Variants in NF1 observed in about 807,000 individuals in gnomAD.
NF1 encodes neurofibromin.
In NF1, 122 loss-of-function variants were observed where a neutral mutation model predicts 325.7. The observed-to-expected ratio is 0.37, with a 90% CI of 0.32 to 0.44. The LOEUF is 0.44. Ranked by LOEUF, NF1 falls within the 20% of genes least tolerant of loss-of-function variation. NF1 has a pLI of 1.00. For missense variants in NF1, 2,140 were observed against 3,415.4 expected, an observed-to-expected ratio of 0.63 and a Z score of 9.31; for synonymous variants, 1,091 against 1,186.0, an observed-to-expected ratio of 0.92 and a Z score of 1.65.
intron 1 of NF1, among the ~76,000 whole-genome samples, chr17:31,146,983 G>T (rs1295427515): frequency 1.3e-5 from 2 of 152,230 alleles, no homozygotes; most frequent in Admixed American, 6.5e-5. Flanking sequence ...TAGCACCTCA[G>T]TGTCTACCAC....
intron 1 of NF1, among the ~76,000 whole-genome samples, chr17:31,121,193 A>G (rs555161975): frequency 8.5e-5 from 13 of 152,300 alleles, no homozygotes; most frequent in African/African-American, 2.9e-4. Flanking sequence ...CCAGGTGTTC[A>G]AAAAGAAATG....
intron 13 of NF1, among the ~76,000 whole-genome samples, chr17:31,215,839 A>G (rs2066811137): frequency 6.6e-6 from 1 of 152,206 alleles, no homozygotes; most frequent in Non-Finnish European, 1.5e-5. Context: ...ACTGTAATAC[A>G]GGGAGTTTGT....
rs2151583287 is a variant in NF1 at position 31,357,312 on chromosome 17, T to G, written c.7913T>G (p.Ile2638Ser). ...ACCACAGATGAGTTTGATCAACGAA[T>G]TCTTTATGAATACTTAGCAGAGGCC... ...KYTTDEFDQRILYEYLAEASV... is the reference protein window; with the variant it reads ...KYTTDEFDQRSLYEYLAEASV... Residue 2638 changes from isoleucine (I) to serine (S), a missense_variant, in exon 54 of 58, where the codon ATT (isoleucine) becomes AGT (serine). Physicochemically the swap from Ile to Ser is moderately radical, Grantham distance 142. Coordinates refer to ENST00000358273, the MANE Select transcript of NF1 (RefSeq NM_001042492.3). 6.2e-7 allele frequency: 1 copy of G among 1,614,064 alleles called. No individual in the cohort carries two copies. Among genetic ancestry groups the G allele is most frequent in the Middle Eastern group, 1.6e-4 (1 of 6,062 alleles).
At chr17:31,302,735 C>T (rs11653032) in intron 36 of NF1, among the ~76,000 whole-genome samples, 1 of 152,054 alleles carries the variant, frequency 6.6e-6, no homozygotes, top group East Asian at 1.9e-4. Flanking sequence ...GTCCCAGCTA[C>T]TCAGTAGGCT....
intron 29 of NF1, among the ~76,000 whole-genome samples, chr17:31,237,467 A>G (rs1400122495): frequency 6.6e-6 from 1 of 151,822 alleles, no homozygotes; most frequent in African/African-American, 2.4e-5. Context: ...GGTAGAGACG[A>G]GGTTTTGCCT....
intron 29 of NF1, among the ~76,000 whole-genome samples, chr17:31,247,193 C>CAAAAAAAA (rs10564306): frequency 1.1e-5 from 1 of 94,440 alleles, no homozygotes; most frequent in Non-Finnish European, 2.4e-5. Context: ...GACTCCATCT[C>CAAAAAAAA]AAAAAAAAAA....
intron 36 of NF1, among the ~76,000 whole-genome samples, chr17:31,275,086 G>A (rs1597766459): frequency 1.3e-5 from 2 of 152,232 alleles, no homozygotes; most frequent in African/African-American, 2.4e-5. Flanking sequence ...GTACTCAAAT[G>A]TTCCCAAACA....
Position 31,307,925 on chromosome 17 carries a change from C to T in NF1, c.4836-17895C>T, listed in dbSNP as rs115218357. On this transcript the variant is annotated intron_variant, in intron 36 of 57. Coordinates refer to ENST00000358273, the MANE Select transcript of NF1 (RefSeq NM_001042492.3). ...CTAAACAGCATATCATTGCTTACTCCTCTACCACTTGGTACACAGTGATGA... is the reference window on the plus strand; with the variant it reads ...CTAAACAGCATATCATTGCTTACTCTTCTACCACTTGGTACACAGTGATGA... The T allele has an allele frequency of 7.8e-4, 1,002 of 1,289,044 alleles. 7 individuals carry two copies. The African/African-American group carries it at 0.014, about 18-fold the overall frequency. The allele number at this position is 1,289,044 out of a possible 1,614,324, so 79.9% of individuals were successfully genotyped here. A position where few individuals can be genotyped will look rare whatever the true frequency, so the allele number is the denominator to read the frequency against.
intron 40 of NF1, among the ~76,000 whole-genome samples, chr17:31,335,783 AC>A (rs1295696227): frequency 6.8e-6 from 1 of 147,138 alleles, no homozygotes; most frequent in Non-Finnish European, 1.5e-5. Context: ...GGCTCAAGTG[AC>A]CCTTCCACCT....
rs786201457 is a variant in NF1 at position 31,261,798 on chromosome 17, A to C, written c.4665A>C (p.Ala1555=). The C allele has an allele frequency of 1.3e-5, 21 of 1,612,758 alleles. No homozygotes were observed. The highest frequency in any genetic ancestry group is 1.7e-5 in the Non-Finnish European group (20 of 1,179,986). The stretch of plus-strand genomic sequence containing the variant: ...GTCCTCCAGAGCACAAACCTGTGGC[A>C]GATACACACTGGTCCAGCCTTAACC... ...YLGPPEHKPV[A]DTHWSSLNLT... is the part of the protein sequence containing the mutation. The change falls in exon 35 of 58, where the codon GCA becomes GCC. Residue 1555 remains alanine (A), a synonymous_variant. Coordinates refer to ENST00000358273, the MANE Select transcript of NF1 (RefSeq NM_001042492.3).
chr17:31,164,539 A>G (rs941315577), intron 4 of NF1, among the ~76,000 whole-genome samples: 2 of 152,222 alleles, frequency 1.3e-5, no homozygotes, highest in African/African-American at 2.4e-5. Flanking sequence ...GAGAAAAACA[A>G]TCCTCTTTGT....
rs760743888 is a variant in NF1 at position 31,360,687 on chromosome 17, T to C, written c.8361T>C (p.Thr2787=). 6.2e-7 allele frequency: 1 copy of C among 1,611,930 alleles called. No homozygotes were observed. Among genetic ancestry groups the C allele is most frequent in the Non-Finnish European group, 8.5e-7 (1 of 1,178,006 alleles). Residue 2787 remains threonine, a synonymous_variant, in exon 57 of 58, where the codon ACT becomes ACC. Transcript: ENST00000358273. The part of the protein sequence containing the change: ...NLSNSMTSLA[T]SQHSPGIDKE... ...CTAATTCCATGACCTCACTTGCAAC[T>C]TCCCAGCATTCCCCAGGTCAGTAAA... is the stretch of plus-strand genomic sequence containing the variant.
intron 4 of NF1, among the ~76,000 whole-genome samples, chr17:31,165,541 T>G (rs1335049753): frequency 6.6e-6 from 1 of 152,214 alleles, no homozygotes. Context: ...AAGATTGATC[T>G]TATGTTTTAT....
At chr17:31,180,806 G>A (rs1202913189) in intron 5 of NF1, among the ~76,000 whole-genome samples, 1 of 152,176 alleles carries the variant, frequency 6.6e-6, no homozygotes, top group Non-Finnish European at 1.5e-5. Context: ...AAGTCAAATT[G>A]CCTCTGTTTG....
At chr17:31,211,403 C>A (rs561429687) in intron 12 of NF1, among the ~76,000 whole-genome samples, 1 of 152,228 alleles carries the variant, frequency 6.6e-6, no homozygotes, top group South Asian at 2.1e-4. Flanking sequence ...TATTAGGCAA[C>A]CATGTTGGAA....
intron 3 of NF1, among the ~76,000 whole-genome samples, chr17:31,162,072 A>G (rs1054128667): frequency 6.6e-6 from 1 of 151,702 alleles, no homozygotes; most frequent in Non-Finnish European, 1.5e-5. Flanking sequence ...GAAAATATAC[A>G]ATACAGTAAC....
intron 40 of NF1, among the ~76,000 whole-genome samples, chr17:31,335,640 G>A (rs1380013388): frequency 6.6e-6 from 1 of 151,656 alleles, no homozygotes; most frequent in Non-Finnish European, 1.5e-5. Context: ...AGCCAGTGTT[G>A]CAGCCCTAGA....
chr17:31,359,262 T>C (rs902218340), intron 56 of NF1: 3 of 494,154 alleles, frequency 6.1e-6, no homozygotes, highest in African/African-American at 3.9e-5. Flanking sequence ...AAGAGTATGA[T>C]AAACCTCTGT....
intron 21 of NF1, 54 bp from the exon 22 acceptor site, chr17:31,229,781 G>T (rs2067081068): frequency 1.9e-6 from 3 of 1,604,182 alleles, no homozygotes; most frequent in African/African-American, 2.7e-5. Flanking sequence ...TCTCTAGGGG[G>T]TCTGTCTTCT....
Sources: allele counts gnomAD v4.1 joint callset (sites outside exome capture counted in the v4.1 genomes callset), GRCh38; gene constraint gnomAD v4.1.1; transcripts MANE v1.5; gene names NCBI Gene and HGNC (gene_info 2026-07-23, HGNC 2026-07-21).